The following FAM193A variants were observed in gnomAD, a reference collection of about 807,000 sequenced individuals.
FAM193A encodes protein FAM193A.
A neutral mutation model predicts 126.5 loss-of-function variants in FAM193A; 22 were observed. The ratio of observed to expected loss-of-function variants is 0.17; its 90% CI spans 0.12 to 0.25. The LOEUF (loss-of-function observed/expected upper bound fraction) is 0.25, where lower values mean the gene tolerates loss of function less well. Among genes scored for constraint, FAM193A ranks in the 10% least tolerant of loss-of-function variants. FAM193A has a pLI of 1.00. For missense variants in FAM193A, 1,675 were observed against 1,672.8 expected (o/e 1.00, Z -0.02); for synonymous variants, 761 against 646.8 (o/e 1.18, Z -2.68).
At chr4:2,720,740 ATC>A (rs1181883241) in intron 20 of FAM193A, among the ~76,000 whole-genome samples, 6 of 152,188 alleles carry the variant, frequency 3.9e-5, no homozygotes, top group African/African-American at 9.7e-5. Flanking sequence ...TAGCACCAAA[ATC>A]TCTCACTATC....
chr4:2,707,713 ATT>A (rs752751839), intron 19 of FAM193A, among the ~76,000 whole-genome samples: 13 of 130,784 alleles, frequency 9.9e-5, no homozygotes, highest in Admixed American at 2.4e-4. Context: ...TATATTTCTT[ATT>A]TTTTTTTTTT....
intron 1 of FAM193A, among the ~76,000 whole-genome samples, chr4:2,578,767 G>A (rs1739751189): frequency 6.6e-6 from 1 of 152,060 alleles, no homozygotes; most frequent in South Asian, 2.1e-4. Flanking sequence ...CTACAATAAA[G>A]TAAGCTAGAG....
At chr4:2,583,237 G>T (rs536590269) in intron 1 of FAM193A, among the ~76,000 whole-genome samples, 1 of 152,338 alleles carries the variant, frequency 6.6e-6, no homozygotes, top group African/African-American at 2.4e-5. Flanking sequence ...GCCTTCCAAA[G>T]TGCTGGGATC....
At chr4:2,568,897 A>G (rs930859117) in intron 1 of FAM193A, among the ~76,000 whole-genome samples, 2 of 150,362 alleles carry the variant, frequency 1.3e-5, no homozygotes, top group African/African-American at 5.0e-5. Context: ...GGTACAGGAT[A>G]AAGACTTTAG....
intron 4 of FAM193A, 150 bp from the exon 5 acceptor site, chr4:2,630,785 T>A: frequency 1.7e-6 from 1 of 589,298 alleles, no homozygotes; most frequent in East Asian, 2.8e-5. Context: ...GTGGGGTGAT[T>A]GTGCTTCTCA....
intron 2 of FAM193A, among the ~76,000 whole-genome samples, chr4:2,603,237 G>A (rs1004335059): frequency 8.1e-5 from 12 of 148,614 alleles, no homozygotes; most frequent in African/African-American, 9.9e-5. Flanking sequence ...TGCCCACCTC[G>A]GCCTCCTGAT....
At chr4:2,624,343 C>T (rs915730041) in intron 2 of FAM193A, among the ~76,000 whole-genome samples, 38 of 152,268 alleles carry the variant, frequency 2.5e-4, no homozygotes, top group African/African-American at 7.0e-4. Flanking sequence ...CGGATTTCAC[C>T]GTGTGGGTCA....
chr4:2,726,206 A>G (rs1720729985), intron 20 of FAM193A, among the ~76,000 whole-genome samples: 1 of 152,086 alleles, frequency 6.6e-6, no homozygotes, highest in South Asian at 2.1e-4. Flanking sequence ...GCCTCAGCTA[A>G]TTTTTAAAAT....
rs1716655359 is a variant in FAM193A at position 2,693,566 on chromosome 4, T to A, written c.2804-20T>A. On this transcript the variant is annotated intron_variant, in intron 15 of 20. Coordinates refer to ENST00000637812, the MANE Select transcript of FAM193A (RefSeq NM_001366318.2). ...TTTTTGAAACAAACTTGGCAGTGAC[T>A]CTCGCCTCTCTAAATGCAGGTGACG... 2 of 1,597,968 alleles carry A rather than the reference T, an allele frequency of 1.3e-6. No individual in the cohort carries two copies. Among genetic ancestry groups the A allele is most frequent in the Non-Finnish European group, 1.7e-6 (2 of 1,168,766 alleles).
intron 12 of FAM193A, among the ~76,000 whole-genome samples, chr4:2,670,728 G>A (rs1190088137): frequency 6.6e-6 from 1 of 152,112 alleles, no homozygotes; most frequent in Non-Finnish European, 1.5e-5. Flanking sequence ...CCAAAGTGTT[G>A]GGATTACAGG....
chr4:2,587,832 G>C (rs528713463), intron 1 of FAM193A, among the ~76,000 whole-genome samples: 1 of 152,192 alleles, frequency 6.6e-6, no homozygotes, highest in Non-Finnish European at 1.5e-5. Context: ...AGAGGAGATC[G>C]TTGTGTTTCT....
chr4:2,620,659 G>T (rs1419894738), intron 2 of FAM193A, among the ~76,000 whole-genome samples: 2 of 151,938 alleles, frequency 1.3e-5, no homozygotes, highest in African/African-American at 4.8e-5. Flanking sequence ...GACCAGCCTT[G>T]TCAACGTGGT....
intron 1 of FAM193A, among the ~76,000 whole-genome samples, chr4:2,563,708 G>A (rs1003190344): frequency 6.6e-6 from 1 of 152,164 alleles, no homozygotes; most frequent in African/African-American, 2.4e-5. Context: ...AATGATCTCA[G>A]CAGAACTGGG....
At position 2,630,941 on chromosome 4, in the gene FAM193A, C is replaced by T. The variant is rs772491215; in HGVS notation, c.810C>T (p.Cys270=). 12 of 1,579,498 alleles carry T rather than the reference C, an allele frequency of 7.6e-6. No homozygotes were observed. The highest frequency in any genetic ancestry group is 3.3e-5 in the South Asian group (3 of 90,096). The part of the protein sequence containing the change: ...EGVKELVDRL[C]ERDPYQLYQR... ...GACCCTCTTCTCTGTGCAGGCTCTG[C>T]GAGAGGGACCCCTACCAGCTGTACC... Residue 270 remains cysteine, a synonymous_variant, in exon 5 of 21, where the codon TGC becomes TGT. Transcript: ENST00000637812.
chr4:2,729,439 C>T (rs565555745), intron 20 of FAM193A, among the ~76,000 whole-genome samples: 2 of 152,282 alleles, frequency 1.3e-5, no homozygotes, highest in Admixed American at 6.5e-5. Flanking sequence ...CATCAGAGGC[C>T]GGATGGGGCA....
At chr4:2,537,511 C>T (rs1453481605) in intron 1 of FAM193A, among the ~76,000 whole-genome samples, 2 of 152,248 alleles carry the variant, frequency 1.3e-5, no homozygotes, top group Admixed American at 6.5e-5. Context: ...TGCAGCTCCG[C>T]GCACGGCGCT....
chr4:2,710,780 C>T (rs1022232167), intron 19 of FAM193A, among the ~76,000 whole-genome samples: 8 of 151,960 alleles, frequency 5.3e-5, no homozygotes, highest in Non-Finnish European at 1.2e-4. Context: ...GCTAGGATTA[C>T]AGGCATGAAC....
At chr4:2,607,874 G>A in intron 2 of FAM193A, 1 of 708,574 alleles carries the variant, frequency 1.4e-6, no homozygotes. Context: ...GGTTGTATGT[G>A]TTGCAGATAT....
At chr4:2,604,981 A>T (rs188473663) in intron 2 of FAM193A, among the ~76,000 whole-genome samples, 6,297 of 143,810 alleles carry the variant, frequency 0.044, 226 homozygotes, top group East Asian at 0.13. Flanking sequence ...TTTTTTTTTT[A>T]AATTTTTTGT....
Sources: gnomAD v4.1 joint callset for allele counts (sites outside exome capture counted in the v4.1 genomes callset) on GRCh38, gnomAD v4.1.1 for gene constraint, MANE v1.5 for transcripts, NCBI Gene and HGNC (gene_info 2026-07-23, HGNC 2026-07-21) for gene names.